GRIP1: variants seen among roughly 807,000 people sequenced by gnomAD.
The protein encoded by GRIP1 is glutamate receptor-interacting protein 1.
In GRIP1, 45 loss-of-function variants were observed where a neutral mutation model predicts 129.9. That is an observed-to-expected ratio of 0.35 (90% CI 0.27 to 0.44). The LOEUF (loss-of-function observed/expected upper bound fraction) is 0.44, where lower values mean the gene tolerates loss of function less well. Ranked by LOEUF, GRIP1 falls within the 20% of genes least tolerant of loss-of-function variation. The pLI is 1.00. For missense variants in GRIP1, 1,196 were observed against 1,396.8 expected (o/e 0.86, Z 2.29); for synonymous variants, 530 against 520.8 (o/e 1.02, Z -0.24).
intron 23 of GRIP1, among the ~76,000 whole-genome samples, chr12:66,354,784 T>C (rs377048467): frequency 4.6e-5 from 7 of 152,210 alleles, no homozygotes; most frequent in Admixed American, 2.0e-4. Context: ...GTGATTTTAC[T>C]TCAGAGGGCT....
chr12:66,534,078 G>A (rs1173681198), intron 4 of GRIP1, among the ~76,000 whole-genome samples: 1 of 152,092 alleles, frequency 6.6e-6, no homozygotes. Flanking sequence ...AGTGAAAGGG[G>A]AACTTATTAA....
At chr12:66,902,685 A>G (rs1352464914) in intron 1 of GRIP1, among the ~76,000 whole-genome samples, 1 of 152,242 alleles carries the variant, frequency 6.6e-6, no homozygotes, top group Admixed American at 6.5e-5. Flanking sequence ...CAATGACTTA[A>G]TATGGGAAAT....
chr12:66,795,216 A>T (rs2038660422), intron 1 of GRIP1, among the ~76,000 whole-genome samples: 1 of 152,198 alleles, frequency 6.6e-6, no homozygotes, highest in Non-Finnish European at 1.5e-5. Context: ...CAATTTGTTA[A>T]CCTATATCCA....
At chr12:66,757,744 C>G (rs1007002636) in intron 1 of GRIP1, among the ~76,000 whole-genome samples, 1 of 152,174 alleles carries the variant, frequency 6.6e-6, no homozygotes, top group African/African-American at 2.4e-5. Context: ...TCTCTACATC[C>G]TCATCAACAC....
chr12:66,537,337 A>C (rs1487117605), intron 4 of GRIP1, among the ~76,000 whole-genome samples: 2 of 152,148 alleles, frequency 1.3e-5, no homozygotes, highest in Non-Finnish European at 2.9e-5. Context: ...ACTAAAGTTC[A>C]TCTCTGCTAT....
chr12:67,068,369 A>C (rs1466384454), intron 1 of GRIP1, among the ~76,000 whole-genome samples: 1 of 152,198 alleles, frequency 6.6e-6, no homozygotes, highest in African/African-American at 2.4e-5. Context: ...AAAAGCCCGC[A>C]GTCCTGCGGT....
chr12:66,854,539 TATAATCTC>T (rs1321126387), intron 1 of GRIP1, among the ~76,000 whole-genome samples: 6 of 152,032 alleles, frequency 3.9e-5, no homozygotes, highest in African/African-American at 1.4e-4. Context: ...GCCAGGTTCT[TATAATCTC>T]ATTGAATCCT....
At chr12:66,612,807 C>T (rs2064864945) in intron 1 of GRIP1, among the ~76,000 whole-genome samples, 2 of 152,134 alleles carry the variant, frequency 1.3e-5, no homozygotes, top group African/African-American at 4.8e-5. Flanking sequence ...CCACTTTGGC[C>T]TGGTGCGATT....
At chr12:67,055,147 G>A (rs2043413764) in intron 1 of GRIP1, among the ~76,000 whole-genome samples, 1 of 152,186 alleles carries the variant, frequency 6.6e-6, no homozygotes, top group African/African-American at 2.4e-5. Context: ...CAGAAAACTG[G>A]AGCAGTAACT....
chr12:66,492,307 C>T lies in GRIP1; in HGVS notation c.724+23312G>A, dbSNP rs115582499. Among the ~76,000 whole-genome samples the T allele has an allele frequency of 7.6e-3, 1,154 of 152,278 alleles. 18 individuals are homozygous for T. Among genetic ancestry groups the T allele is most frequent in the African/African-American group, 0.027 (1,109 of 41,550 alleles). On this transcript the variant is annotated intron_variant, in intron 7 of 24. Coordinates refer to ENST00000359742, the MANE Select transcript of GRIP1 (RefSeq NM_001366722.1). ...TACTTTGAAATATTTAAAGCATCTA[C>T]ATTTCTGACCGACCTCCTTGGTTTT...
chr12:67,035,334 G>A (rs758049815), intron 1 of GRIP1, among the ~76,000 whole-genome samples: 54 of 152,174 alleles, frequency 3.5e-4, no homozygotes, highest in Non-Finnish European at 4.9e-4. Context: ...GTGTGCATGG[G>A]GGAGGGTTCG....
intron 11 of GRIP1, among the ~76,000 whole-genome samples, chr12:66,448,663 C>T (rs181249309): frequency 6.6e-6 from 1 of 152,290 alleles, no homozygotes; most frequent in African/African-American, 2.4e-5. Flanking sequence ...GCTCCTCAAA[C>T]TCAATGTTTT....
At chr12:66,659,806 C>T (rs1286672789) in intron 1 of GRIP1, among the ~76,000 whole-genome samples, 1 of 152,108 alleles carries the variant, frequency 6.6e-6, no homozygotes, top group Non-Finnish European at 1.5e-5. Flanking sequence ...CTCTTGGTGA[C>T]TTGTTGCCAT....
chr12:66,950,910 GT>G (rs1385895336), intron 1 of GRIP1, among the ~76,000 whole-genome samples: 1 of 152,182 alleles, frequency 6.6e-6, no homozygotes, highest in Non-Finnish European at 1.5e-5. Flanking sequence ...GCTATGATGT[GT>G]TGCAACAAAA....
At chr12:66,513,213 C>A (rs1214996116) in intron 7 of GRIP1, among the ~76,000 whole-genome samples, 1 of 152,104 alleles carries the variant, frequency 6.6e-6, no homozygotes, top group Non-Finnish European at 1.5e-5. Flanking sequence ...ATCAGATAGA[C>A]TTAAGGCCAC....
intron 20 of GRIP1, 42 bp downstream of exon 20, chr12:66,379,238 T>C: frequency 6.3e-7 from 1 of 1,590,950 alleles, no homozygotes; most frequent in Non-Finnish European, 8.6e-7. Context: ...CACATGACCA[T>C]GCAGTCATCT....
chr12:66,423,812 A>G lies in GRIP1; in HGVS notation c.1769-3023T>C, dbSNP rs1240182258. Among the ~76,000 whole-genome samples the G allele has an allele frequency of 5.9e-5, 9 of 152,320 alleles. 1 individual carries two copies. The South Asian group carries it at 6.2e-4, about 11-fold the overall frequency. On this transcript the variant is annotated intron_variant, in intron 14 of 24. Transcript: ENST00000359742. ...GGGAAGGATACTGAATACTTCCAAG[A>G]GTGTGGTTAAGAAGAAAAGGGCAAT...
chr12:66,426,555 T>C (rs2057993917), intron 14 of GRIP1, among the ~76,000 whole-genome samples: 1 of 152,190 alleles, frequency 6.6e-6, no homozygotes, highest in Non-Finnish European at 1.5e-5. Context: ...GTTTTCTTCT[T>C]CCTGAATGTG....
intron 1 of GRIP1, among the ~76,000 whole-genome samples, chr12:67,031,158 C>T (rs1349208903): frequency 6.6e-6 from 1 of 151,936 alleles, no homozygotes; most frequent in Non-Finnish European, 1.5e-5. Flanking sequence ...GCTGCCTGTC[C>T]GCTCCCTCAT....
Sources: gnomAD v4.1 joint callset for allele counts (sites outside exome capture counted in the v4.1 genomes callset) on GRCh38, gnomAD v4.1.1 for gene constraint, MANE v1.5 for transcripts, NCBI Gene and HGNC (gene_info 2026-07-23, HGNC 2026-07-21) for gene names.